NFATC3: variants seen among roughly 807,000 people sequenced by gnomAD.
NFATC3 encodes nuclear factor of activated T-cells, cytoplasmic 3.
In NFATC3, 46 loss-of-function variants were observed where a neutral mutation model predicts 98.6. That is an observed-to-expected ratio of 0.47 (90% CI 0.37 to 0.60). The LOEUF is 0.60. Among genes scored for constraint, NFATC3 ranks in the 20% least tolerant of loss-of-function variants. The pLI, the probability that NFATC3 is intolerant of heterozygous loss-of-function variation, is 0.00. For synonymous variants in NFATC3, 512 were observed against 472.2 expected (o/e 1.08, Z -1.09); for missense variants, 1,256 against 1,295.5 (o/e 0.97, Z 0.47).
intron 9 of NFATC3, among the ~76,000 whole-genome samples, chr16:68,205,819 C>T (rs930670465): frequency 6.6e-6 from 1 of 151,914 alleles, no homozygotes; most frequent in Non-Finnish European, 1.5e-5. Flanking sequence ...AAAGAGCTTC[C>T]TTGAAAAGAT....
intron 3 of NFATC3, among the ~76,000 whole-genome samples, chr16:68,127,981 C>A (rs1213858975): frequency 2.0e-5 from 3 of 152,068 alleles, no homozygotes; most frequent in Non-Finnish European, 4.4e-5. Context: ...ACTACTACTA[C>A]TTTTTTATTT....
At chr16:68,101,682 A>G (rs2035373379) in intron 1 of NFATC3, among the ~76,000 whole-genome samples, 1 of 151,148 alleles carries the variant, frequency 6.6e-6, no homozygotes. Flanking sequence ...ATGGGGTTTC[A>G]CCATATTATC....
intron 1 of NFATC3, among the ~76,000 whole-genome samples, chr16:68,098,300 A>ATTTTTTTTTT (rs200355791): frequency 8.5e-5 from 8 of 94,342 alleles, no homozygotes; most frequent in African/African-American, 3.6e-4. Flanking sequence ...TATTATTATT[A>ATTTTTTTTTT]TTTTTTTTTT....
intron 3 of NFATC3, among the ~76,000 whole-genome samples, chr16:68,131,340 T>C (rs78229587): frequency 0.13 from 19,174 of 152,140 alleles, 1,259 homozygotes; most frequent in South Asian, 0.19. Context: ...TACAGCGGTG[T>C]GATATTGGCT....
chr16:68,191,110 C>G lies in NFATC3; in HGVS notation c.2441C>G (p.Pro814Arg). Residue 814 changes from proline to arginine, a missense_variant, in exon 9 of 10, where the codon CCA (proline) becomes CGA (arginine). Transcript: ENST00000346183. ...PMQTNVVYNG[P>R]TCLPINAASS... is the part of the protein sequence containing the mutation. ...CAAACTAATGTTGTGTACAATGGAC[C>G]AACTTGTCTTCCTATTAATGCTGCC... is the stretch of plus-strand genomic sequence containing the variant. 1 of 1,614,138 alleles carries G rather than the reference C, an allele frequency of 6.2e-7. No individual in the cohort carries two copies. The highest frequency in any genetic ancestry group is 8.5e-7 in the Non-Finnish European group (1 of 1,180,036).
chr16:68,180,841 T>C (rs2039921057), intron 6 of NFATC3, among the ~76,000 whole-genome samples: 1 of 152,224 alleles, frequency 6.6e-6, no homozygotes, highest in South Asian at 2.1e-4. Flanking sequence ...AACTCATCAT[T>C]TTTTATGGCT....
At chr16:68,176,100 C>T (rs1024592544) in intron 6 of NFATC3, among the ~76,000 whole-genome samples, 5 of 152,130 alleles carry the variant, frequency 3.3e-5, no homozygotes, top group Non-Finnish European at 5.9e-5. Context: ...GCCTCAGCCT[C>T]CCGAGTAGCT....
chr16:68,122,093 C>G lies in NFATC3; in HGVS notation c.210C>G (p.His70Gln), dbSNP rs146786875. 31 of 1,613,974 alleles carry G rather than the reference C, an allele frequency of 1.9e-5. 1 individual carries two copies. In the South Asian group the frequency reaches 2.3e-4, roughly 12 times the overall value. Reference protein sequence around the residue: ...LCLPHHGLPSHSSVLSPSFQL... With the variant: ...LCLPHHGLPSQSSVLSPSFQL... ...TACCACATCATGGATTACCGTCTCA[C>G]TCTTCTGTTTTGTCACCATCGTTTC... The change falls in exon 2 of 10, where the codon CAC (histidine) becomes CAG (glutamine). Residue 70 changes from histidine (H) to glutamine (Q), a missense_variant. By Grantham distance (24) the His-to-Gln change is conservative (BLOSUM62 0). Around this residue, in one of 3 missense-constraint regions of NFATC3, gnomAD observed 464 missense variants for 465.7 expected, o/e 1.00. Transcript: ENST00000346183.
At position 68,102,325 on chromosome 16, in the gene NFATC3, T is replaced by A. The variant is rs1352552228; in HGVS notation, c.103+16541T>A. On this transcript the variant is annotated intron_variant, in intron 1 of 9. Transcript: ENST00000346183. ...AGGCAGAGGTTGCAGTGAGCCGAGA[T>A]TGCACTACTGCACTCCAGCCCTGGT... Among the ~76,000 whole-genome samples the A allele has an allele frequency of 2.8e-5, 4 of 142,708 alleles. No homozygotes were observed. In the Admixed American group the frequency reaches 3.0e-4, roughly 11 times the overall value. The allele number at this position is 142,708 out of a possible 152,430, so 93.6% of individuals were successfully genotyped here. A position where few individuals can be genotyped will look rare whatever the true frequency, so the allele number is the denominator to read the frequency against.
intron 5 of NFATC3, among the ~76,000 whole-genome samples, chr16:68,173,553 C>G (rs1034660010): frequency 6.6e-6 from 1 of 151,992 alleles, no homozygotes; most frequent in African/African-American, 2.4e-5. Context: ...GGCGACACAG[C>G]AAGACTCTGT....
chr16:68,203,512 A>G (rs2041014546), intron 9 of NFATC3, among the ~76,000 whole-genome samples: 1 of 152,100 alleles, frequency 6.6e-6, no homozygotes, highest in Non-Finnish European at 1.5e-5. Flanking sequence ...GTGTGCCTAT[A>G]GTCCCAGCTA....
At chr16:68,094,467 G>A (rs1175211256) in intron 1 of NFATC3, among the ~76,000 whole-genome samples, 1 of 151,408 alleles carries the variant, frequency 6.6e-6, no homozygotes, top group East Asian at 1.9e-4. Flanking sequence ...AATTTAGGAT[G>A]CAAGGAGAAC....
At chr16:68,129,904 C>A (rs986769013) in intron 3 of NFATC3, among the ~76,000 whole-genome samples, 3 of 152,008 alleles carry the variant, frequency 2.0e-5, no homozygotes, top group Admixed American at 6.6e-5. Flanking sequence ...CTCAAAACTC[C>A]TGGCTTCAAG....
intron 9 of NFATC3, among the ~76,000 whole-genome samples, chr16:68,198,251 G>A (rs1356423005): frequency 6.6e-6 from 1 of 150,552 alleles, no homozygotes; most frequent in Admixed American, 6.6e-5. Flanking sequence ...CCAGGAGGTC[G>A]AGGCTTCAGT....
At chr16:68,211,506 G>GTTT (rs1366867650) in intron 9 of NFATC3, among the ~76,000 whole-genome samples, 23 of 145,030 alleles carry the variant, frequency 1.6e-4, no homozygotes, top group South Asian at 4.6e-4. Flanking sequence ...TTCTGTAAAT[G>GTTT]TTTTTTGTTG....
rs921432140 is a variant in NFATC3 at position 68,223,923 on chromosome 16, A to G, written c.3107-2427A>G. Among the ~76,000 whole-genome samples, 9 of 150,616 alleles carry G rather than the reference A, an allele frequency of 6.0e-5. No homozygotes were observed. In the East Asian group the frequency reaches 1.8e-3, roughly 30 times the overall value. ...AAAAAAAAAAAAAAAAAATCTGACA[A>G]AGTACTTTATTAATCTATACCTTAA... is the stretch of plus-strand genomic sequence containing the variant. On this transcript the variant is annotated intron_variant, in intron 9 of 9. Transcript: ENST00000346183.
At position 68,104,653 on chromosome 16, in the gene NFATC3, G is replaced by GTTTTTTTTTTTTTTTTTTTTTTTT. The variant is rs778016298; in HGVS notation, c.104-17318_104-17317insTTTTTTTTTTTTTTTTTTTTTTTT. ...GTTAGCTGTGGGCTTTTCACAAATGGTTTTTTTTTTTTTTTTGAAATGGAG... is the reference window on the plus strand; with the variant it reads ...GTTAGCTGTGGGCTTTTCACAAATGGTTTTTTTTTTTTTTTTTTTTTTTTTTTTTTTTTTTTTTTTGAAATGGAG... On this transcript the variant is annotated intron_variant, in intron 1 of 9. Transcript: ENST00000346183. Among the ~76,000 whole-genome samples the GTTTTTTTTTTTTTTTTTTTTTTTT allele has an allele frequency of 2.2e-3, 283 of 126,626 alleles. 7 individuals are homozygous for GTTTTTTTTTTTTTTTTTTTTTTTT. The highest frequency in any genetic ancestry group is 8.8e-3 in the Middle Eastern group (2 of 228). 83.1% of individuals were successfully genotyped at this position (126,626 alleles called of 152,430 possible). A position where few individuals can be genotyped will look rare whatever the true frequency, so the allele number is the denominator to read the frequency against.
At chr16:68,132,849 A>T (rs2037186740) in intron 3 of NFATC3, among the ~76,000 whole-genome samples, 1 of 152,192 alleles carries the variant, frequency 6.6e-6, no homozygotes, top group South Asian at 2.1e-4. Flanking sequence ...TCGTTATCAG[A>T]GGCTGAGAAA....
chr16:68,191,578 A>G lies in NFATC3; in HGVS notation c.2909A>G (p.His970Arg), dbSNP rs62636650. Residue 970 changes from histidine to arginine, a missense_variant, in exon 9 of 10, where the codon CAT (histidine) becomes CGT (arginine). Physicochemically the swap from His to Arg is conservative, Grantham distance 29. Coordinates refer to ENST00000346183, the MANE Select transcript of NFATC3 (RefSeq NM_173165.3). ...ASSPSPATRM[H>R]SGQHSTQAQS... ...TCACCGTCTCCAGCCACCAGAATGC[A>G]TTCTGGACAGCACTCAACTCAAGCA... The G allele has an allele frequency of 6.2e-6, 10 of 1,613,988 alleles. No homozygotes were observed. The African/African-American group carries it at 9.3e-5, about 15-fold the overall frequency.
Sources: allele counts gnomAD v4.1 joint callset (sites outside exome capture counted in the v4.1 genomes callset), GRCh38; gene constraint gnomAD v4.1.1; regional missense constraint gnomAD v4.1.1; transcripts MANE v1.5; gene names NCBI Gene and HGNC (gene_info 2026-07-23, HGNC 2026-07-21).